The following CNTNAP2 variants were observed in gnomAD, a reference collection of about 807,000 sequenced individuals.
CNTNAP2 encodes the protein contactin associated protein 2.
CNTNAP2 carries 98 observed loss-of-function variants against 155.2 expected under a neutral mutation model. The ratio of observed to expected loss-of-function variants is 0.63; its 90% CI spans 0.54 to 0.75. The LOEUF (loss-of-function observed/expected upper bound fraction) is 0.75, where lower values mean the gene tolerates loss of function less well. Among genes scored for constraint, CNTNAP2 ranks in the 30% least tolerant of loss-of-function variants. CNTNAP2 has a pLI of 0.00. For synonymous variants in CNTNAP2, 651 were observed against 631.2 expected (o/e 1.03, Z -0.47); for missense variants, 1,727 against 1,688.1 (o/e 1.02, Z -0.40).
chr7:147,434,669 G>T (rs1384393451), intron 10 of CNTNAP2, among the ~76,000 whole-genome samples: 1 of 152,210 alleles, frequency 6.6e-6, no homozygotes, highest in African/African-American at 2.4e-5. Flanking sequence ...TATGAAAGCT[G>T]GTTTTGCTTA....
intron 16 of CNTNAP2, among the ~76,000 whole-genome samples, chr7:148,137,431 G>A (rs751898522): frequency 2.0e-5 from 3 of 152,090 alleles, no homozygotes; most frequent in East Asian, 1.9e-4. Context: ...AGGCTGAGGC[G>A]GGTGGATCAC....
chr7:147,025,672 A>G (rs1275559158), intron 3 of CNTNAP2, among the ~76,000 whole-genome samples: 1 of 151,848 alleles, frequency 6.6e-6, no homozygotes, highest in Non-Finnish European at 1.5e-5. Context: ...TGCAACTACT[A>G]TGTGAGTCTA....
intron 9 of CNTNAP2, among the ~76,000 whole-genome samples, chr7:147,373,377 A>G (rs1451194156): frequency 6.6e-6 from 1 of 152,040 alleles, no homozygotes; most frequent in African/African-American, 2.4e-5. Context: ...ATGTAGTTTT[A>G]AATTTTTTAA....
intron 13 of CNTNAP2, among the ~76,000 whole-genome samples, chr7:147,747,355 GT>G (rs1797061711): frequency 6.6e-6 from 1 of 152,100 alleles, no homozygotes; most frequent in African/African-American, 2.4e-5. Context: ...AACCACAAGT[GT>G]TTTTAGGATT....
intron 3 of CNTNAP2, among the ~76,000 whole-genome samples, chr7:146,882,324 C>T (rs1795567895): frequency 6.6e-6 from 1 of 151,900 alleles, no homozygotes; most frequent in Non-Finnish European, 1.5e-5. Flanking sequence ...TGGGAATATA[C>T]CCAGTGATAA....
chr7:146,532,570 G>A (rs948582069), intron 1 of CNTNAP2, among the ~76,000 whole-genome samples: 1 of 152,078 alleles, frequency 6.6e-6, no homozygotes, highest in Admixed American at 6.6e-5. Context: ...CATGGGGTCT[G>A]TTGGCACAAC....
At chr7:147,193,104 A>T (rs1802715109) in intron 8 of CNTNAP2, among the ~76,000 whole-genome samples, 1 of 152,218 alleles carries the variant, frequency 6.6e-6, no homozygotes, top group Admixed American at 6.5e-5. Flanking sequence ...TCACAATAAT[A>T]TTAGTAGTTA....
At chr7:146,936,050 C>A (rs1250925697) in intron 3 of CNTNAP2, among the ~76,000 whole-genome samples, 1 of 152,044 alleles carries the variant, frequency 6.6e-6, no homozygotes, top group Admixed American at 6.6e-5. Context: ...AACTATGCAA[C>A]CATGGGAAAA....
At chr7:148,362,994 T>G (rs1024708425) in intron 21 of CNTNAP2, among the ~76,000 whole-genome samples, 9 of 152,078 alleles carry the variant, frequency 5.9e-5, no homozygotes, top group Non-Finnish European at 1.3e-4. Context: ...TGCTATTTTT[T>G]TTTTAAACGG....
At chr7:147,287,605 C>CG (rs34119911) in intron 8 of CNTNAP2, among the ~76,000 whole-genome samples, 5,211 of 152,088 alleles carry the variant, frequency 0.034, 123 homozygotes, top group Non-Finnish European at 0.052. Flanking sequence ...CATCTTGCCC[C>CG]GTGACTTACA....
chr7:146,372,214 T>A (rs541063604), intron 1 of CNTNAP2, among the ~76,000 whole-genome samples: 1 of 152,300 alleles, frequency 6.6e-6, no homozygotes, highest in South Asian at 2.1e-4. Flanking sequence ...CATATCTTTA[T>A]CTTGAGTAAC....
chr7:146,852,755 A>C (rs1425472220), intron 3 of CNTNAP2, among the ~76,000 whole-genome samples: 1 of 152,228 alleles, frequency 6.6e-6, no homozygotes, highest in African/African-American at 2.4e-5. Flanking sequence ...GGATTATACT[A>C]GTATCTGCTT....
chr7:148,118,415 A>G (rs1246611091), intron 16 of CNTNAP2, 127 bp downstream of exon 16: 20 of 1,033,730 alleles, frequency 1.9e-5, no homozygotes, highest in Non-Finnish European at 2.5e-5. Context: ...GAGCAGGACT[A>G]GAGGTGGACA....
intron 1 of CNTNAP2, among the ~76,000 whole-genome samples, chr7:146,357,860 T>TA (rs1795021790): frequency 1.3e-5 from 2 of 151,486 alleles, no homozygotes; most frequent in Non-Finnish European, 2.9e-5. Flanking sequence ...CATCTCCAGG[T>TA]AAAAGTCTTC....
At chr7:147,618,309 T>G (rs1412982026) in intron 12 of CNTNAP2, among the ~76,000 whole-genome samples, 1 of 152,198 alleles carries the variant, frequency 6.6e-6, no homozygotes, top group Non-Finnish European at 1.5e-5. Flanking sequence ...CTACACATTG[T>G]ATGTTGGCCA....
At chr7:146,654,513 T>C (rs1298609237) in intron 1 of CNTNAP2, among the ~76,000 whole-genome samples, 2 of 152,114 alleles carry the variant, frequency 1.3e-5, no homozygotes, top group Non-Finnish European at 2.9e-5. Context: ...TTAGACAAAA[T>C]GACATAAATA....
intron 3 of CNTNAP2, among the ~76,000 whole-genome samples, chr7:146,961,888 A>T (rs1001700763): frequency 6.6e-6 from 1 of 152,274 alleles, no homozygotes; most frequent in Non-Finnish European, 1.5e-5. Context: ...GGTGCCAGGG[A>T]TTACGGTCTC....
At chr7:147,737,782 A>G (rs939310451) in intron 13 of CNTNAP2, among the ~76,000 whole-genome samples, 1 of 152,172 alleles carries the variant, frequency 6.6e-6, no homozygotes. Context: ...TGTGCTAGCA[A>G]TGAGCGAGGC....
At chr7:146,952,796 C>A (rs1797348603) in intron 3 of CNTNAP2, among the ~76,000 whole-genome samples, 2 of 151,926 alleles carry the variant, frequency 1.3e-5, no homozygotes, top group African/African-American at 4.8e-5. Flanking sequence ...TCTTACATTT[C>A]TAAAGGCACA....
Sources: allele counts gnomAD v4.1 joint callset (sites outside exome capture counted in the v4.1 genomes callset), GRCh38; gene constraint gnomAD v4.1.1; transcripts MANE v1.5; gene names NCBI Gene and HGNC (gene_info 2026-07-23, HGNC 2026-07-21).